Variants in ZFYVE9 observed in about 807,000 individuals in gnomAD.
ZFYVE9 encodes zinc finger FYVE-type containing 9.
Under a neutral mutation model 126.7 loss-of-function variants are expected in ZFYVE9, and 43 were observed. That is an observed-to-expected ratio of 0.34 (90% confidence interval 0.27 to 0.44). ZFYVE9 has a LOEUF of 0.44. ZFYVE9 is among the 20% of genes least tolerant of loss of function. ZFYVE9 has a pLI of 1.00. For missense variants in ZFYVE9, 1,476 were observed against 1,697.0 expected, an observed-to-expected ratio of 0.87 and a Z score of 2.29; for synonymous variants, 521 against 597.4, an observed-to-expected ratio of 0.87 and a Z score of 1.87.
intron 4 of ZFYVE9, among the ~76,000 whole-genome samples, chr1:52,255,583 CAAAA>C (rs753995875): frequency 2.7e-5 from 2 of 73,780 alleles, no homozygotes; most frequent in African/African-American, 4.8e-5. Context: ...AAAACCATCT[CAAAA>C]AAAAAAAAAA....
At chr1:52,226,879 G>A (rs1274984867) in intron 2 of ZFYVE9, among the ~76,000 whole-genome samples, 1 of 152,190 alleles carries the variant, frequency 6.6e-6, no homozygotes, top group Non-Finnish European at 1.5e-5. Context: ...CTCTCCAAAG[G>A]AGGCAACAGA....
At chr1:52,229,240 C>T (rs934595843) in intron 2 of ZFYVE9, among the ~76,000 whole-genome samples, 3 of 152,280 alleles carry the variant, frequency 2.0e-5, no homozygotes, top group South Asian at 4.1e-4. Context: ...ATTGTCTCCT[C>T]ATGATTAAAT....
intron 4 of ZFYVE9, 150 bp downstream of exon 4, chr1:52,239,745 T>C: frequency 1.1e-6 from 1 of 900,454 alleles, no homozygotes; most frequent in Non-Finnish European, 1.6e-6. Flanking sequence ...AATTTCTATA[T>C]AAAAAATGAT....
chr1:52,180,391 G>A (rs1644686658), intron 1 of ZFYVE9: 15 of 1,523,364 alleles, frequency 9.8e-6, no homozygotes, highest in Non-Finnish European at 1.4e-5. Flanking sequence ...GTGTTTGGCG[G>A]CATTAACCTG....
intron 12 of ZFYVE9, among the ~76,000 whole-genome samples, chr1:52,298,661 G>GT (rs911601006): frequency 4.7e-5 from 7 of 149,852 alleles, no homozygotes; most frequent in Admixed American, 1.3e-4. Flanking sequence ...TAAGGTTTTG[G>GT]TTTTTTTTTC....
intron 14 of ZFYVE9, among the ~76,000 whole-genome samples, chr1:52,334,005 A>G (rs1646367724): frequency 6.6e-6 from 1 of 151,744 alleles, no homozygotes; most frequent in African/African-American, 2.4e-5. Flanking sequence ...AGGCAGGAGA[A>G]TGGCGTGAAC....
In ZFYVE9 at chr1:52,237,995, A is replaced by T; in HGVS notation, c.578A>T (p.Asp193Val). Reference protein sequence around the residue: ...CSLDNENRQTDQFSFSINEST... With the variant: ...CSLDNENRQTVQFSFSINEST... ...CTGGATAATGAAAACAGACAAACTG[A>T]TCAATTTAGTTTTAGTATAAATGAG... Residue 193 changes from aspartate to valine, a missense_variant, in exon 4 of 19, where the codon GAT (aspartate) becomes GTT (valine). By Grantham distance (152) the Asp-to-Val change is radical (BLOSUM62 -3). Around this residue, in one of 2 missense-constraint regions of ZFYVE9, gnomAD observed 807 missense variants for 794.6 expected, o/e 1.02. Transcript: ENST00000287727. 3.1e-6 allele frequency: 5 copies of T among 1,614,038 alleles called. No homozygotes were observed. The highest frequency in any genetic ancestry group is 4.2e-6 in the Non-Finnish European group (5 of 1,179,960).
At chr1:52,270,075 C>T (rs1254932191) in intron 7 of ZFYVE9, among the ~76,000 whole-genome samples, 3 of 152,146 alleles carry the variant, frequency 2.0e-5, no homozygotes, top group Non-Finnish European at 2.9e-5. Flanking sequence ...CTTCACAGTA[C>T]ACACGCTTTT....
At position 52,238,315 on chromosome 1, in the gene ZFYVE9, C is replaced by G. The variant is rs567617178; in HGVS notation, c.898C>G (p.Pro300Ala). 71 of 1,613,686 alleles carry G rather than the reference C, an allele frequency of 4.4e-5. No individual in the cohort carries two copies. The highest frequency in any genetic ancestry group is 5.8e-5 in the Non-Finnish European group (69 of 1,179,974). ...GGACCTCACTGGCAAAATCAGCTCT[C>G]CTAGGACAGATCTAGGGAGTCCAAA... ...DEDLTGKISS[P>A]RTDLGSPNSF... is the part of the protein sequence containing the mutation. The change falls in exon 4 of 19, where the codon CCT (proline) becomes GCT (alanine). Residue 300 changes from proline to alanine, a missense_variant. Pro to Ala is a conservative substitution (Grantham distance 27). This residue lies in a region of ZFYVE9 where 807 missense variants were observed against 794.6 expected (regional missense o/e 1.02). Coordinates refer to ENST00000287727, the MANE Select transcript of ZFYVE9 (RefSeq NM_004799.4).
chr1:52,303,932 T>C lies in ZFYVE9; in HGVS notation c.3438+7T>C. On this transcript the variant is annotated splice_region_variant and intron_variant, in intron 13 of 18. Transcript: ENST00000287727. ...CAGCAACAGATACAATGAGGTAAGATTTACCATGAAGGCGTATTTTTCATA... is the reference window on the plus strand; with the variant it reads ...CAGCAACAGATACAATGAGGTAAGACTTACCATGAAGGCGTATTTTTCATA... The C allele has an allele frequency of 1.3e-6, 2 of 1,579,686 alleles. No individual in the cohort carries two copies. Among genetic ancestry groups the C allele is most frequent in the South Asian group, 2.4e-5 (2 of 83,620 alleles).
chr1:52,208,975 T>C (rs1645003498), intron 1 of ZFYVE9, among the ~76,000 whole-genome samples: 1 of 152,212 alleles, frequency 6.6e-6, no homozygotes, highest in Admixed American at 6.5e-5. Context: ...GTAAATCCTT[T>C]AGTTATTTTA....
rs112522005 is a variant in ZFYVE9 at position 52,153,229 on chromosome 1, A to G, written c.-143+10826A>G. Among the ~76,000 whole-genome samples the G allele has an allele frequency of 6.3e-3, 967 of 152,342 alleles. 12 individuals carry two copies. Among genetic ancestry groups the G allele is most frequent in the Middle Eastern group, 0.014 (4 of 294 alleles). The stretch of plus-strand genomic sequence containing the variant: ...AAGATCCAAGTGATTGCTACAGTCC[A>G]TTCCTCATGATGCACAGATCCATAT... On this transcript the variant is annotated intron_variant, in intron 1 of 18. Coordinates refer to ENST00000287727, the MANE Select transcript of ZFYVE9 (RefSeq NM_004799.4).
chr1:52,176,939 G>A (rs1448044437), intron 1 of ZFYVE9, among the ~76,000 whole-genome samples: 1 of 152,094 alleles, frequency 6.6e-6, no homozygotes, highest in African/African-American at 2.4e-5. Context: ...GACTCCTTGC[G>A]CTTCCCGAGT....
chr1:52,199,264 T>C (rs755906542), intron 1 of ZFYVE9, among the ~76,000 whole-genome samples: 4 of 152,168 alleles, frequency 2.6e-5, no homozygotes, highest in Non-Finnish European at 5.9e-5. Context: ...AGACGGAGTT[T>C]CACCGTGTTA....
At chr1:52,206,881 A>G (rs1307632539) in intron 1 of ZFYVE9, among the ~76,000 whole-genome samples, 1 of 152,204 alleles carries the variant, frequency 6.6e-6, no homozygotes, top group Non-Finnish European at 1.5e-5. Context: ...TGCAGACAGT[A>G]AATCATGAGA....
intron 13 of ZFYVE9, among the ~76,000 whole-genome samples, chr1:52,328,240 A>C (rs1646310725): frequency 6.6e-6 from 1 of 152,210 alleles, no homozygotes; most frequent in South Asian, 2.1e-4. Flanking sequence ...ACTGTAGGAA[A>C]ACCAGTTACA....
At chr1:52,283,365 G>A (rs532156247) in intron 10 of ZFYVE9, among the ~76,000 whole-genome samples, 1 of 152,328 alleles carries the variant, frequency 6.6e-6, no homozygotes, top group Non-Finnish European at 1.5e-5. Flanking sequence ...ACCATTGAAA[G>A]TATTTGAGAT....
At chr1:52,218,313 T>C (rs1334618515) in intron 2 of ZFYVE9, among the ~76,000 whole-genome samples, 1 of 152,170 alleles carries the variant, frequency 6.6e-6, no homozygotes, top group East Asian at 1.9e-4. Flanking sequence ...GCTGACTGAT[T>C]GGTTATCTCT....
rs146522458 is a variant in ZFYVE9 at position 52,216,111 on chromosome 1, TTC to T, written c.-142-255_-142-254del. ...GGTAGAAAGTGCCTGCTGTTGATGTTTCTCACTTTGCATTATCCATTGAAAAT... is the reference window on the plus strand; with the variant it reads ...GGTAGAAAGTGCCTGCTGTTGATGTTTCACTTTGCATTATCCATTGAAAAT... On this transcript the variant is annotated intron_variant, in intron 1 of 18. Transcript: ENST00000287727. Among the ~76,000 whole-genome samples, 1,399 of 152,332 alleles carry T rather than the reference TTC, an allele frequency of 9.2e-3. 63 individuals carry two copies. In the East Asian group the frequency reaches 0.12, roughly 13 times the overall value.
Sources: gnomAD v4.1 joint callset for allele counts (sites outside exome capture counted in the v4.1 genomes callset) on GRCh38, gnomAD v4.1.1 for gene constraint, gnomAD v4.1.1 regional missense constraint, MANE v1.5 for transcripts, NCBI Gene and HGNC (gene_info 2026-07-23, HGNC 2026-07-21) for gene names.